The following LRRC8D variants were observed in gnomAD, a reference collection of about 807,000 sequenced individuals.
The protein encoded by LRRC8D is volume-regulated anion channel subunit LRRC8D.
LRRC8D carries 20 observed loss-of-function variants against 55.8 expected under a neutral mutation model. The ratio of observed to expected loss-of-function variants is 0.36; its 90% CI spans 0.25 to 0.52. The LOEUF (loss-of-function observed/expected upper bound fraction) is 0.52. Ranked by LOEUF, LRRC8D falls within the 20% of genes least tolerant of loss-of-function variation. The probability of loss-of-function intolerance (pLI) is 0.93; values close to 1 mark genes in which losing one functional copy is unlikely to be tolerated. For synonymous variants in LRRC8D, 352 were observed against 377.0 expected, an observed-to-expected ratio of 0.93 and a Z score of 0.77; for missense variants, 651 against 1,030.8, an observed-to-expected ratio of 0.63 and a Z score of 5.05.
At chr1:89,828,806 A>G (rs989945679) in intron 1 of LRRC8D, among the ~76,000 whole-genome samples, 8 of 152,062 alleles carry the variant, frequency 5.3e-5, no homozygotes, top group Admixed American at 2.6e-4. Flanking sequence ...AGTTAGGAAC[A>G]TTGCCAGAGA....
In LRRC8D at chr1:89,934,496, G is replaced by C; in HGVS notation, c.1428G>C (p.Leu476=). 1 of 1,614,214 alleles carries C rather than the reference G, an allele frequency of 6.2e-7. No individual in the cohort carries two copies. The highest frequency in any genetic ancestry group is 8.5e-7 in the Non-Finnish European group (1 of 1,180,032). ...RNAQDKQELH[L]FMLSGVPDAV... is the part of the protein sequence containing the mutation. ...CCCAGGACAAGCAGGAGTTGCATCT[G>C]TTCATGCTGTCGGGGGTGCCCGATG... Residue 476 remains leucine (L), a synonymous_variant, in exon 3 of 3, where the codon CTG becomes CTC. Coordinates refer to ENST00000337338, the MANE Select transcript of LRRC8D (RefSeq NM_001134479.2). The surrounding 1 kb of genome is among the most constrained non-coding windows in gnomAD (Gnocchi z 5.9).
chr1:89,917,476 C>T (rs1663304698), intron 2 of LRRC8D, among the ~76,000 whole-genome samples: 1 of 152,202 alleles, frequency 6.6e-6, no homozygotes, highest in African/African-American at 2.4e-5. Context: ...CATCATCTCA[C>T]ACTGCATGTT....
At chr1:89,903,145 C>T (rs548511867) in intron 2 of LRRC8D, among the ~76,000 whole-genome samples, 1 of 152,164 alleles carries the variant, frequency 6.6e-6, no homozygotes, top group Non-Finnish European at 1.5e-5. Context: ...CAGGATTCTT[C>T]GCTCTGGCAG....
At chr1:89,838,401 T>G (rs1373836516) in intron 1 of LRRC8D, among the ~76,000 whole-genome samples, 1 of 152,022 alleles carries the variant, frequency 6.6e-6, no homozygotes, top group East Asian at 1.9e-4. Flanking sequence ...TAAATAAGAT[T>G]GCCCAAAGAG....
chr1:89,876,617 T>C (rs1662154369), intron 2 of LRRC8D, among the ~76,000 whole-genome samples: 1 of 152,160 alleles, frequency 6.6e-6, no homozygotes, highest in African/African-American at 2.4e-5. Flanking sequence ...GGAAAATCCA[T>C]GTGAAAACTC....
chr1:89,887,365 T>A (rs1195221002), intron 2 of LRRC8D, among the ~76,000 whole-genome samples: 5 of 152,342 alleles, frequency 3.3e-5, no homozygotes, highest in African/African-American at 1.2e-4. Context: ...TTCACAACTC[T>A]GGTTCATTTA....
At chr1:89,895,244 T>C (rs959525077) in intron 2 of LRRC8D, among the ~76,000 whole-genome samples, 10 of 152,234 alleles carry the variant, frequency 6.6e-5, no homozygotes, top group Non-Finnish European at 8.8e-5. Flanking sequence ...ATATAATATA[T>C]TATGAAGTCT....
intron 1 of LRRC8D, among the ~76,000 whole-genome samples, chr1:89,824,746 C>G (rs532263625): frequency 2.6e-5 from 4 of 152,300 alleles, no homozygotes; most frequent in African/African-American, 9.6e-5. Context: ...GATGTGGTTT[C>G]TCGATGTCTT....
chr1:89,934,710 G>C lies in LRRC8D; in HGVS notation c.1642G>C (p.Asp548His). 6.2e-7 allele frequency: 1 copy of C among 1,614,172 alleles called. No individual in the cohort carries two copies. Among genetic ancestry groups the C allele is most frequent in the Non-Finnish European group, 8.5e-7 (1 of 1,180,042 alleles). The change falls in exon 3 of 3, where the codon GAT becomes CAT. Residue 548 changes from aspartate to histidine, a missense_variant. By Grantham distance (81) the Asp-to-His change is moderately conservative. Around this residue, in one of 5 missense-constraint regions of LRRC8D, gnomAD observed 338 missense variants for 479.4 expected, o/e 0.71. Transcript: ENST00000337338. This position sits in a 1 kb window ranked among gnomAD's most constrained non-coding sequence, Gnocchi z 5.9. ...HLRCLHVKFT[D>H]VAEIPAWVYL... Reference sequence around the variant, plus strand: ...GAGATGCCTTCACGTGAAGTTCACTGATGTGGCTGAAATTCCTGCCTGGGT... The same window carrying C: ...GAGATGCCTTCACGTGAAGTTCACTCATGTGGCTGAAATTCCTGCCTGGGT...
At chr1:89,880,197 G>A (rs567228556) in intron 2 of LRRC8D, among the ~76,000 whole-genome samples, 45 of 150,480 alleles carry the variant, frequency 3.0e-4, no homozygotes, top group Non-Finnish European at 5.6e-4. Flanking sequence ...GAGTAGTCTC[G>A]TGTAGCTGAC....
At chr1:89,885,793 A>G (rs1434216464) in intron 2 of LRRC8D, among the ~76,000 whole-genome samples, 1 of 152,212 alleles carries the variant, frequency 6.6e-6, no homozygotes, top group Non-Finnish European at 1.5e-5. Context: ...TCTTTCTCTT[A>G]CAAGATCCTC....
In LRRC8D at chr1:89,935,529, C is replaced by T. The variant is rs370582839; in HGVS notation, c.2461C>T (p.Arg821Trp). 6 of 1,614,210 alleles carry T rather than the reference C, an allele frequency of 3.7e-6. No individual in the cohort carries two copies. The highest frequency in any genetic ancestry group is 1.7e-5 in the Admixed American group (1 of 60,034). The change falls in exon 3 of 3, where the codon CGG becomes TGG. Residue 821 changes from arginine to tryptophan, a missense_variant. Arg to Trp is a moderately radical substitution (Grantham distance 101). Transcript: ENST00000337338. Reference protein sequence around the residue: ...DRLPAQLGQCRMLKKSGLVVE... With the variant: ...DRLPAQLGQCWMLKKSGLVVE... ...CCTGCCAGCCCAGCTGGGCCAGTGT[C>T]GGATGCTCAAGAAAAGCGGGCTTGT...
intron 1 of LRRC8D, among the ~76,000 whole-genome samples, chr1:89,835,189 T>C (rs1033788452): frequency 6.6e-6 from 1 of 152,034 alleles, no homozygotes; most frequent in African/African-American, 2.4e-5. Context: ...TGGGAAAGTG[T>C]GTTTTGAAGG....
chr1:89,866,863 C>G (rs889603621), intron 2 of LRRC8D, among the ~76,000 whole-genome samples: 8 of 151,248 alleles, frequency 5.3e-5, no homozygotes, highest in African/African-American at 1.7e-4. Flanking sequence ...ATGAGGATTT[C>G]AAGTGTATCA....
At chr1:89,920,202 TAG>T (rs1019551826) in intron 2 of LRRC8D, among the ~76,000 whole-genome samples, 9 of 152,238 alleles carry the variant, frequency 5.9e-5, no homozygotes, top group African/African-American at 1.7e-4. Context: ...TTAACATATT[TAG>T]AGTTATGTTC....
At chr1:89,918,489 G>A (rs138512253) in intron 2 of LRRC8D, among the ~76,000 whole-genome samples, 1,808 of 152,316 alleles carry the variant, frequency 0.012, 12 homozygotes, top group Non-Finnish European at 0.018. Flanking sequence ...TGAGGTGCTG[G>A]CACCTTCACT....
chr1:89,891,211 T>G (rs4658342), intron 2 of LRRC8D, among the ~76,000 whole-genome samples: 15,762 of 152,232 alleles, frequency 0.1, 1,066 homozygotes, highest in South Asian at 0.16. Flanking sequence ...ATCAACACTT[T>G]GGAAGCATAC....
intron 1 of LRRC8D, among the ~76,000 whole-genome samples, chr1:89,828,981 C>G (rs1177102533): frequency 1.3e-5 from 2 of 152,176 alleles, no homozygotes; most frequent in African/African-American, 4.8e-5. Flanking sequence ...GTCTCAAAAT[C>G]TCTCATGCTA....
intron 2 of LRRC8D, among the ~76,000 whole-genome samples, chr1:89,875,023 G>A (rs1385769315): frequency 6.6e-6 from 1 of 152,058 alleles, no homozygotes. Flanking sequence ...TCTCTTACCT[G>A]TTGTCTCATT....
Sources: allele counts gnomAD v4.1 joint callset (sites outside exome capture counted in the v4.1 genomes callset), GRCh38; gene constraint gnomAD v4.1.1; regional missense constraint gnomAD v4.1.1; non-coding constraint Gnocchi (gnomAD v3.1); transcripts MANE v1.5; gene names NCBI Gene and HGNC (gene_info 2026-07-23, HGNC 2026-07-21).